MYO18A: variants seen among roughly 807,000 people sequenced by gnomAD.
The protein encoded by MYO18A is unconventional myosin-XVIIIa.
Under a neutral mutation model 235.8 loss-of-function variants are expected in MYO18A, and 78 were observed. The ratio of observed to expected loss-of-function variants is 0.33; its 90% CI spans 0.28 to 0.40. The LOEUF (loss-of-function observed/expected upper bound fraction) is 0.40. Ranked by LOEUF, MYO18A falls within the 10% of genes least tolerant of loss-of-function variation. The pLI is 1.00. For synonymous variants in MYO18A, 977 were observed against 1,077.8 expected (o/e 0.91, Z 1.83); for missense variants, 2,215 against 2,699.3 (o/e 0.82, Z 3.98).
At chr17:29,119,844 G>A (rs1053067324) in intron 7 of MYO18A, among the ~76,000 whole-genome samples, 16 of 151,888 alleles carry the variant, frequency 1.1e-4, no homozygotes, top group Middle Eastern at 3.2e-3. Context: ...GATTACAGGC[G>A]TGAGCCACCG....
In MYO18A at chr17:29,118,430, G is replaced by A. The variant is rs376974312; in HGVS notation, c.1840C>T (p.His614Tyr). The change falls in exon 9 of 42, where the codon CAC becomes TAC. Residue 614 changes from histidine to tyrosine, a missense_variant. Physicochemically the swap from His to Tyr is moderately conservative, Grantham distance 83. Coordinates refer to ENST00000527372, the MANE Select transcript of MYO18A (RefSeq NM_078471.4). The surrounding 1 kb of genome is among the most constrained non-coding windows in gnomAD (Gnocchi z 4.2). ...TTGTTCTCTGCCAAGTGGTTGAGGT[G>A]GAGCTCTGTCCTAGGGGTACAAATA... ...CGDGTLRTELHLNHLAENNVF... is the reference protein window; with the variant it reads ...CGDGTLRTELYLNHLAENNVF... 1 of 1,605,930 alleles carries A rather than the reference G, an allele frequency of 6.2e-7. No individual in the cohort carries two copies. Among genetic ancestry groups the A allele is most frequent in the Admixed American group, 1.7e-5 (1 of 59,658 alleles).
At chr17:29,174,783 C>G (rs1017493620) in intron 1 of MYO18A, among the ~76,000 whole-genome samples, 8 of 152,100 alleles carry the variant, frequency 5.3e-5, no homozygotes, top group Non-Finnish European at 1.2e-4. Flanking sequence ...TTGCAGCACT[C>G]CAGCCTGCGC....
chr17:29,098,513 C>T, intron 23 of MYO18A, 68 bp from the exon 24 acceptor site: 9 of 1,561,092 alleles, frequency 5.8e-6, no homozygotes, highest in Non-Finnish European at 7.9e-6. Flanking sequence ...TGGGTCTGCA[C>T]CCCTGTAGTG....
chr17:29,156,592 G>A (rs1022732241), intron 2 of MYO18A, among the ~76,000 whole-genome samples: 3 of 152,252 alleles, frequency 2.0e-5, no homozygotes, highest in Non-Finnish European at 2.9e-5. Flanking sequence ...TTTGGTTCTG[G>A]TCTGGAAGAC....
In MYO18A at chr17:29,109,764, C is replaced by A; in HGVS notation, c.3331+94G>T. ...ATCGTGAGGAAAGACAGGAGCAGCC[C>A]CACTGCAGCCCACGGGTCGCAGGTG... On this transcript the variant is annotated intron_variant, in intron 19 of 41. Transcript: ENST00000527372. The surrounding 1 kb of genome is among the most constrained non-coding windows in gnomAD (Gnocchi z 4.1). The A allele has an allele frequency of 6.9e-7, 1 of 1,450,212 alleles. No homozygotes were observed. The highest frequency in any genetic ancestry group is 2.5e-5 in the East Asian group (1 of 40,072). 89.8% of individuals were successfully genotyped at this position (1,450,212 alleles called of 1,614,324 possible). A position where few individuals can be genotyped will look rare whatever the true frequency, so the allele number is the denominator to read the frequency against.
intron 1 of MYO18A, among the ~76,000 whole-genome samples, chr17:29,170,141 T>C (rs2068369432): frequency 6.6e-6 from 1 of 152,154 alleles, no homozygotes; most frequent in African/African-American, 2.4e-5. Context: ...AAATTCTAAA[T>C]ATCTAAGTCT....
At position 29,126,698 on chromosome 17, in the gene MYO18A, AC is replaced by A. The variant is rs989429871; in HGVS notation, c.1000-4446del. Among the ~76,000 whole-genome samples, 5 of 152,034 alleles carry A rather than the reference AC, an allele frequency of 3.3e-5. No homozygotes were observed. Among genetic ancestry groups the A allele is most frequent in the African/African-American group, 1.2e-4 (5 of 41,390 alleles). On this transcript the variant is annotated intron_variant, in intron 2 of 41. Coordinates refer to ENST00000527372, the MANE Select transcript of MYO18A (RefSeq NM_078471.4). The surrounding 1 kb of genome is among the most constrained non-coding windows in gnomAD (Gnocchi z 4.1). ...ATGAGCACAGGGAAGTAGTGGCAAAACTTGATGCTCCTCTCCCACACCCTGG... is the reference window on the plus strand; with the variant it reads ...ATGAGCACAGGGAAGTAGTGGCAAAATTGATGCTCCTCTCCCACACCCTGG...
chr17:29,080,757 G>C (rs8072008), intron 41 of MYO18A: 355,744 of 985,354 alleles, frequency 0.36, 66,940 homozygotes, highest in East Asian at 0.84. Context: ...TCCCCGAGCG[G>C]ACGGAGCCGC....
At chr17:29,179,267 C>G (rs931692663) in intron 1 of MYO18A, among the ~76,000 whole-genome samples, 19 of 151,820 alleles carry the variant, frequency 1.3e-4, no homozygotes, top group African/African-American at 4.6e-4. Flanking sequence ...CCATCTCCCC[C>G]ACCCCCCACC....
intron 2 of MYO18A, among the ~76,000 whole-genome samples, chr17:29,133,534 G>C (rs1044729258): frequency 3.3e-5 from 5 of 152,176 alleles, no homozygotes; most frequent in Admixed American, 3.3e-4. Flanking sequence ...GGTTAACCCA[G>C]AGGGACACCA....
At chr17:29,174,651 C>T (rs1383132153) in intron 1 of MYO18A, among the ~76,000 whole-genome samples, 1 of 152,092 alleles carries the variant, frequency 6.6e-6, no homozygotes, top group African/African-American at 2.4e-5. Flanking sequence ...CCCATCTCCA[C>T]TAAAAATACA....
Position 29,092,991 on chromosome 17 carries a change from C to T in MYO18A, c.4937G>A (p.Arg1646Gln), listed in dbSNP as rs202165018. ...LATLSDQVNR[R>Q]DFESEKRLRK... The stretch of plus-strand genomic sequence containing the variant: ...CAGCCGCTTCTCTGACTCAAAGTCC[C>T]GCCGGTTCACCTGGGTGGGCACCAG... The change falls in exon 33 of 42, where the codon CGG (arginine) becomes CAG (glutamine). Residue 1646 changes from arginine (R) to glutamine (Q), a missense_variant. By Grantham distance (43) the Arg-to-Gln change is conservative. Transcript: ENST00000527372. 69 of 1,613,170 alleles carry T rather than the reference C, an allele frequency of 4.3e-5. No individual in the cohort carries two copies. In the East Asian group the frequency reaches 1.2e-3, roughly 28 times the overall value.
chr17:29,097,163 A>G, intron 27 of MYO18A, 60 bp downstream of exon 27: 1 of 1,591,504 alleles, frequency 6.3e-7, no homozygotes, highest in Non-Finnish European at 8.5e-7. Flanking sequence ...GGACCGACAC[A>G]AGGCACCAGT....
In MYO18A at chr17:29,135,447, A is replaced by C. The variant is rs577469453; in HGVS notation, c.1000-13194T>G. 3.9e-5 allele frequency among the ~76,000 whole-genome samples: 6 copies of C among 152,360 alleles called. No homozygotes were observed. In the South Asian group the frequency reaches 1.2e-3, roughly 32 times the overall value. ...AACTGCTTATCATGAATAATAGTTA[A>C]AAATTAGGAAATGTTTTGTTTTCAA... On this transcript the variant is annotated intron_variant, in intron 2 of 41. Transcript: ENST00000527372.
chr17:29,122,271 G>T lies in MYO18A; in HGVS notation c.1000-18C>A, dbSNP rs757098963. Reference sequence around the variant, plus strand: ...GTTTTCGCCTGTCAGAGAGAGAGAAGAATAAACAGGCCCTGCTATGGAAGA... The same window carrying T: ...GTTTTCGCCTGTCAGAGAGAGAGAATAATAAACAGGCCCTGCTATGGAAGA... On this transcript the variant is annotated intron_variant, in intron 2 of 41. Coordinates refer to ENST00000527372, the MANE Select transcript of MYO18A (RefSeq NM_078471.4). The T allele has an allele frequency of 5.0e-6, 8 of 1,600,464 alleles. No individual in the cohort carries two copies. Among genetic ancestry groups the T allele is most frequent in the Non-Finnish European group, 6.8e-6 (8 of 1,172,930 alleles).
intron 36 of MYO18A, 137 bp from the exon 37 acceptor site, chr17:29,090,235 G>T: frequency 9.6e-7 from 1 of 1,039,552 alleles, no homozygotes; most frequent in Non-Finnish European, 1.4e-6. Flanking sequence ...AGAGAATGGA[G>T]CCCTGGGCCA....
intron 2 of MYO18A, chr17:29,155,184 G>GC (rs2068041069): frequency 6.6e-6 from 1 of 152,422 alleles, no homozygotes; most frequent in Non-Finnish European, 1.5e-5. Flanking sequence ...ATCACAGGGT[G>GC]CTATCTTCAG....
intron 2 of MYO18A, among the ~76,000 whole-genome samples, chr17:29,165,052 G>A (rs2068250598): frequency 6.6e-6 from 1 of 152,186 alleles, no homozygotes; most frequent in African/African-American, 2.4e-5. Flanking sequence ...TCACTGGGAT[G>A]AAATCTGAAT....
chr17:29,117,946 G>C lies in MYO18A; in HGVS notation c.2038+99C>G. 2 of 1,384,378 alleles carry C rather than the reference G, an allele frequency of 1.4e-6. No individual in the cohort carries two copies. The highest frequency in any genetic ancestry group is 2.0e-6 in the Non-Finnish European group (2 of 1,021,596). The allele number at this position is 1,384,378 out of a possible 1,614,324, so 85.8% of individuals were successfully genotyped here. A position where few individuals can be genotyped will look rare whatever the true frequency, so the allele number is the denominator to read the frequency against. On this transcript the variant is annotated intron_variant, in intron 10 of 41. Coordinates refer to ENST00000527372, the MANE Select transcript of MYO18A (RefSeq NM_078471.4). This position sits in a 1 kb window ranked among gnomAD's most constrained non-coding sequence, Gnocchi z 4.6. Reference sequence around the variant, plus strand: ...AGCAAAAGAGGGTTGTCTCAGAACGGCTAAGTCTGTGCTGGGCAAGAATAA... The same window carrying C: ...AGCAAAAGAGGGTTGTCTCAGAACGCCTAAGTCTGTGCTGGGCAAGAATAA...
Sources: allele counts gnomAD v4.1 joint callset (sites outside exome capture counted in the v4.1 genomes callset), GRCh38; gene constraint gnomAD v4.1.1; non-coding constraint Gnocchi (gnomAD v3.1); transcripts MANE v1.5; gene names NCBI Gene and HGNC (gene_info 2026-07-23, HGNC 2026-07-21).